GALNT7: variants seen among roughly 807,000 people sequenced by gnomAD.
The protein encoded by GALNT7 is N-acetylgalactosaminyltransferase 7.
Under a neutral mutation model 82.1 loss-of-function variants are expected in GALNT7, and 60 were observed. The observed-to-expected ratio is 0.73, with a 90% confidence interval of 0.59 to 0.91. The LOEUF is 0.91. GALNT7 is among the 40% of genes least tolerant of loss of function. The pLI is 0.00. For missense variants in GALNT7, 660 were observed against 804.2 expected (o/e 0.82, Z 2.17); for synonymous variants, 243 against 275.1 (o/e 0.88, Z 1.15).
At chr4:173,252,797 G>A (rs1734893617) in intron 2 of GALNT7, among the ~76,000 whole-genome samples, 1 of 152,164 alleles carries the variant, frequency 6.6e-6, no homozygotes, top group African/African-American at 2.4e-5. Flanking sequence ...TCTACCACTA[G>A]GGAGAAAGGA....
chr4:173,251,095 T>C (rs1339027842), intron 2 of GALNT7, among the ~76,000 whole-genome samples: 1 of 152,244 alleles, frequency 6.6e-6, no homozygotes, highest in Non-Finnish European at 1.5e-5. Context: ...GCAAGAACTA[T>C]GCCTATTTGT....
intron 1 of GALNT7, among the ~76,000 whole-genome samples, chr4:173,246,376 A>T (rs1181792468): frequency 6.6e-6 from 1 of 152,170 alleles, no homozygotes; most frequent in African/African-American, 2.4e-5. Context: ...TTTATGTCCC[A>T]TCTTCAAAAA....
intron 8 of GALNT7, among the ~76,000 whole-genome samples, chr4:173,305,711 C>A (rs186967638): frequency 6.6e-6 from 1 of 152,028 alleles, no homozygotes; most frequent in South Asian, 2.1e-4. Flanking sequence ...ACCATAAATG[C>A]GTGGATTATT....
chr4:173,302,985 A>G lies in GALNT7; in HGVS notation c.1266+821A>G, dbSNP rs893732185. Among the ~76,000 whole-genome samples the G allele has an allele frequency of 6.6e-6, 1 of 152,332 alleles. No individual in the cohort carries two copies. The highest frequency in any genetic ancestry group is 3.4e-3 in the Middle Eastern group (1 of 294). On this transcript the variant is annotated intron_variant, in intron 7 of 11. Coordinates refer to ENST00000265000, the MANE Select transcript of GALNT7 (RefSeq NM_017423.3). The surrounding 1 kb of genome is among the most constrained non-coding windows in gnomAD (Gnocchi z 4.2). ...GCCAACATGGGCGGATCATGAGGTCAAGAGATCGAGACCATCCTAGCCAAC... is the reference window on the plus strand; with the variant it reads ...GCCAACATGGGCGGATCATGAGGTCGAGAGATCGAGACCATCCTAGCCAAC...
chr4:173,317,487 T>G, intron 9 of GALNT7, 147 bp from the exon 10 acceptor site: 1 of 596,004 alleles, frequency 1.7e-6, no homozygotes, highest in Non-Finnish European at 3.0e-6. Flanking sequence ...ATGTAAAGAT[T>G]GACAATCCAG....
At chr4:173,265,068 A>G (rs1454121604) in intron 2 of GALNT7, among the ~76,000 whole-genome samples, 1 of 152,266 alleles carries the variant, frequency 6.6e-6, no homozygotes, top group East Asian at 1.9e-4. Flanking sequence ...GCCACTCAAC[A>G]CTGTGCCCAT....
At chr4:173,264,169 A>G (rs73872512) in intron 2 of GALNT7, among the ~76,000 whole-genome samples, 3,852 of 152,304 alleles carry the variant, frequency 0.025, 152 homozygotes, top group African/African-American at 0.085. Flanking sequence ...AATATCTGCT[A>G]TATGATACCT....
intron 8 of GALNT7, among the ~76,000 whole-genome samples, chr4:173,310,449 C>T (rs1318714362): frequency 2.0e-5 from 3 of 152,140 alleles, no homozygotes; most frequent in Non-Finnish European, 2.9e-5. Flanking sequence ...GGCTCTTTGC[C>T]ATCAAGTTCA....
At chr4:173,315,389 CATTAAGGCCTACTGATCATAGAT>C (rs1017241052) in intron 9 of GALNT7, among the ~76,000 whole-genome samples, 1 of 152,124 alleles carries the variant, frequency 6.6e-6, no homozygotes, top group African/African-American at 2.4e-5. Context: ...CAGGTAGAGC[CATTAAGGCCTACTGATCATAGAT>C]TGTAGGTTGT....
chr4:173,301,891 T>G (rs561659731), intron 6 of GALNT7, among the ~76,000 whole-genome samples, 156 bp from the exon 7 acceptor site: 2 of 152,354 alleles, frequency 1.3e-5, no homozygotes, highest in African/African-American at 4.8e-5. Flanking sequence ...GATTTTTTTC[T>G]TTTTTTGTAA....
At chr4:173,271,111 A>G (rs1359043300) in intron 2 of GALNT7, among the ~76,000 whole-genome samples, 1 of 152,222 alleles carries the variant, frequency 6.6e-6, no homozygotes. Context: ...GAATAGATGC[A>G]TTTTCAGCAA....
chr4:173,201,871 G>A (rs148354323), intron 1 of GALNT7, among the ~76,000 whole-genome samples: 98 of 152,268 alleles, frequency 6.4e-4, no homozygotes, highest in Non-Finnish European at 1.2e-3. Context: ...AGATCTTTAT[G>A]TCTCTTAGAT....
chr4:173,219,503 T>C (rs753922622), intron 1 of GALNT7, among the ~76,000 whole-genome samples: 16 of 152,244 alleles, frequency 1.1e-4, no homozygotes, highest in Non-Finnish European at 1.9e-4. Flanking sequence ...TCTGGGTACA[T>C]ACCCAGGTGT....
intron 2 of GALNT7, among the ~76,000 whole-genome samples, chr4:173,274,445 G>T (rs539247603): frequency 6.6e-6 from 1 of 152,226 alleles, no homozygotes; most frequent in Non-Finnish European, 1.5e-5. Flanking sequence ...GCATATATTT[G>T]TGTGTAATTC....
rs1214597044 is a variant in GALNT7, at chr4:173,292,059, G to A, written c.588-49G>A. 6 of 1,265,454 alleles carry A rather than the reference G, an allele frequency of 4.7e-6. No individual in the cohort carries two copies. In the East Asian group the frequency reaches 1.4e-4, roughly 30 times the overall value. The allele number at this position is 1,265,454 out of a possible 1,614,324, so 78.4% of individuals were successfully genotyped here. A position where few individuals can be genotyped will look rare whatever the true frequency, so the allele number is the denominator to read the frequency against. Reference sequence around the variant, plus strand: ...GCAAATATAGTCAGCTTGGAGCCAAGCAGTATAGATTACCTGTAAATAAAT... The same window carrying A: ...GCAAATATAGTCAGCTTGGAGCCAAACAGTATAGATTACCTGTAAATAAAT... On this transcript the variant is annotated intron_variant, in intron 2 of 11. Coordinates refer to ENST00000265000, the MANE Select transcript of GALNT7 (RefSeq NM_017423.3). The surrounding 1 kb of genome is among the most constrained non-coding windows in gnomAD (Gnocchi z 4.8).
rs534586369 is a variant in GALNT7, at chr4:173,300,730, G to C, written c.1149-1317G>C. On this transcript the variant is annotated intron_variant, in intron 6 of 11. Coordinates refer to ENST00000265000, the MANE Select transcript of GALNT7 (RefSeq NM_017423.3). ...CCTGTGTGATTAGCCTTGAGCAGGG[G>C]GCAGAAGACAATAAAGGACACAAGC... is the stretch of plus-strand genomic sequence containing the variant. Among the ~76,000 whole-genome samples, 27 of 152,054 alleles carry C rather than the reference G, an allele frequency of 1.8e-4. 1 individual carries two copies. The highest frequency in any genetic ancestry group is 1.0e-3 in the Admixed American group (16 of 15,284).
At chr4:173,284,729 A>AC (rs1351346145) in intron 2 of GALNT7, among the ~76,000 whole-genome samples, 3 of 151,786 alleles carry the variant, frequency 2.0e-5, no homozygotes, top group Admixed American at 6.6e-5. Flanking sequence ...TTGAAAAAAA[A>AC]AACAACAACA....
chr4:173,287,254 C>T (rs1216379916), intron 2 of GALNT7, among the ~76,000 whole-genome samples: 1 of 152,218 alleles, frequency 6.6e-6, no homozygotes, highest in Non-Finnish European at 1.5e-5. Context: ...AGTTTCCTTC[C>T]CCATTTTCTG....
intron 9 of GALNT7, chr4:173,317,056 T>C (rs973807200): frequency 6.6e-6 from 1 of 152,296 alleles, no homozygotes; most frequent in African/African-American, 2.4e-5. Context: ...TTCAGAGAAA[T>C]AAATGGCTTT....
Sources: allele counts gnomAD v4.1 joint callset (sites outside exome capture counted in the v4.1 genomes callset), GRCh38; gene constraint gnomAD v4.1.1; non-coding constraint Gnocchi (gnomAD v3.1); transcripts MANE v1.5; gene names NCBI Gene and HGNC (gene_info 2026-07-23, HGNC 2026-07-21).